The following CUL5 variants were observed in gnomAD, a reference collection of about 807,000 sequenced individuals.
CUL5 encodes the protein cullin 5.
A neutral mutation model predicts 108.8 loss-of-function variants in CUL5; 26 were observed. The ratio of observed to expected loss-of-function variants is 0.24; its 90% CI spans 0.18 to 0.33. The LOEUF is 0.33. CUL5 is among the 10% of genes least tolerant of loss of function. CUL5 has a pLI of 1.00. For synonymous variants in CUL5, 334 were observed against 298.0 expected, an observed-to-expected ratio of 1.12 and a Z score of -1.25; for missense variants, 524 against 909.2, an observed-to-expected ratio of 0.58 and a Z score of 5.45.
intron 2 of CUL5, among the ~76,000 whole-genome samples, chr11:108,040,138 T>A (rs1862857090): frequency 6.6e-6 from 1 of 152,222 alleles, no homozygotes; most frequent in Non-Finnish European, 1.5e-5. Flanking sequence ...CCTAGATTTT[T>A]CTAATAAAGT....
chr11:108,100,958 G>A (rs1310822649), intron 18 of CUL5, among the ~76,000 whole-genome samples: 1 of 152,198 alleles, frequency 6.6e-6, no homozygotes, highest in East Asian at 1.9e-4. Context: ...GAACCTGGGA[G>A]GCGGAGGTTG....
chr11:108,043,993 A>T (rs1376199240), intron 2 of CUL5, among the ~76,000 whole-genome samples: 1 of 152,216 alleles, frequency 6.6e-6, no homozygotes, highest in Non-Finnish European at 1.5e-5. Context: ...ATTGCACTTC[A>T]GCCTGGGCAA....
At chr11:108,025,839 G>T (rs578039373) in intron 1 of CUL5, among the ~76,000 whole-genome samples, 1 of 152,120 alleles carries the variant, frequency 6.6e-6, no homozygotes, top group Non-Finnish European at 1.5e-5. Flanking sequence ...CCTCTTAAAT[G>T]TAGTGAAACC....
At chr11:108,021,090 T>C (rs1862316628) in intron 1 of CUL5, among the ~76,000 whole-genome samples, 1 of 152,244 alleles carries the variant, frequency 6.6e-6, no homozygotes, top group African/African-American at 2.4e-5. Context: ...CCTAGGATAA[T>C]AGACTATACC....
At chr11:108,019,722 AAATT>A (rs1372072518) in intron 1 of CUL5, among the ~76,000 whole-genome samples, 2 of 152,072 alleles carry the variant, frequency 1.3e-5, no homozygotes, top group Non-Finnish European at 2.9e-5. Flanking sequence ...TAGGATAATA[AAATT>A]ATTATCCTAA....
chr11:108,046,802 C>G (rs1403904182), intron 3 of CUL5, among the ~76,000 whole-genome samples: 1 of 152,130 alleles, frequency 6.6e-6, no homozygotes, highest in East Asian at 1.9e-4. Context: ...AGCTGAAATT[C>G]AGCACTCTTA....
At chr11:108,034,758 C>T (rs932164856) in intron 2 of CUL5, among the ~76,000 whole-genome samples, 2 of 152,200 alleles carry the variant, frequency 1.3e-5, no homozygotes, top group African/African-American at 4.8e-5. Context: ...ATCAGTGTAT[C>T]CCTTTCAGTA....
intron 1 of CUL5, among the ~76,000 whole-genome samples, chr11:108,028,545 T>C (rs1313137928): frequency 6.6e-6 from 1 of 152,118 alleles, no homozygotes; most frequent in African/African-American, 2.4e-5. Context: ...TAAATAAGAT[T>C]ATGACACTTC....
intron 13 of CUL5, 52 bp downstream of exon 13, chr11:108,089,675 A>T (rs759715482): frequency 1.0e-6 from 1 of 988,394 alleles, no homozygotes; most frequent in Non-Finnish European, 1.4e-6. Flanking sequence ...CATCATTTAT[A>T]TGTGTGCTTA....
At chr11:108,013,882 C>T (rs889310567) in intron 1 of CUL5, among the ~76,000 whole-genome samples, 1 of 152,078 alleles carries the variant, frequency 6.6e-6, no homozygotes, top group African/African-American at 2.4e-5. Context: ...TAGCAAGACC[C>T]TGTCTCTATA....
intron 2 of CUL5, among the ~76,000 whole-genome samples, chr11:108,044,075 CT>C (rs1387455544): frequency 6.6e-6 from 1 of 152,144 alleles, no homozygotes; most frequent in African/African-American, 2.4e-5. Flanking sequence ...CAGGTGTTAC[CT>C]TTTATATTGT....
At chr11:108,070,289 G>A (rs548461304) in intron 8 of CUL5, 100 bp downstream of exon 8, 4 of 772,116 alleles carry the variant, frequency 5.2e-6, no homozygotes, top group Admixed American at 4.3e-5. Context: ...TTTCCACATA[G>A]GTATATGTGG....
At chr11:108,093,903 G>C (rs373721101) in intron 13 of CUL5, among the ~76,000 whole-genome samples, 2 of 152,080 alleles carry the variant, frequency 1.3e-5, no homozygotes, top group Admixed American at 6.5e-5. Context: ...GGGTGTCACT[G>C]TGTTGCCCAG....
rs192949432 is a variant in CUL5, at chr11:108,047,592, A to G, written c.234+1223A>G. 1.9e-4 allele frequency among the ~76,000 whole-genome samples: 29 copies of G among 152,310 alleles called. No individual in the cohort carries two copies. The South Asian group carries it at 3.9e-3, about 21-fold the overall frequency. ...TACCATGATGGAGTAAGACTAATCT[A>G]TTGGATATTACTTAAGAAATTAAGT... On this transcript the variant is annotated intron_variant, in intron 3 of 18. Transcript: ENST00000393094.
Position 108,069,404 on chromosome 11 carries a change from C to G in CUL5, c.781-692C>G, listed in dbSNP as rs574741709. ...TTCTCTTCCACTGTCTGTTTCTTCTCTACCATTTTAAGCTTCCTGGTATTC... is the reference window on the plus strand; with the variant it reads ...TTCTCTTCCACTGTCTGTTTCTTCTGTACCATTTTAAGCTTCCTGGTATTC... On this transcript the variant is annotated intron_variant, in intron 7 of 18. Coordinates refer to ENST00000393094, the MANE Select transcript of CUL5 (RefSeq NM_003478.6). 2.6e-5 allele frequency among the ~76,000 whole-genome samples: 4 copies of G among 152,288 alleles called. No individual in the cohort carries two copies. In the East Asian group the frequency reaches 7.7e-4, roughly 29 times the overall value.
chr11:108,077,044 T>G (rs1346825175), intron 10 of CUL5, among the ~76,000 whole-genome samples: 1 of 152,196 alleles, frequency 6.6e-6, no homozygotes, highest in Non-Finnish European at 1.5e-5. Context: ...TTTGGCAGCT[T>G]CAGCATATAA....
At chr11:108,047,840 A>G (rs1177200846) in intron 3 of CUL5, among the ~76,000 whole-genome samples, 2 of 151,346 alleles carry the variant, frequency 1.3e-5, no homozygotes, top group Non-Finnish European at 2.9e-5. Flanking sequence ...TTTATTTCAG[A>G]TAGATAGAGC....
At chr11:108,097,795 G>T in intron 17 of CUL5, 41 bp downstream of exon 17, 1 of 1,112,166 alleles carries the variant, frequency 9.0e-7, no homozygotes, top group Non-Finnish European at 1.3e-6. Flanking sequence ...CACCTTGTTT[G>T]AATTTTAGCA....
chr11:108,047,047 G>A (rs1863085472), intron 3 of CUL5, among the ~76,000 whole-genome samples: 1 of 152,176 alleles, frequency 6.6e-6, no homozygotes. Flanking sequence ...ACAGGGCACA[G>A]TAGCTCAGGC....
Sources: allele counts gnomAD v4.1 joint callset (sites outside exome capture counted in the v4.1 genomes callset), GRCh38; gene constraint gnomAD v4.1.1; transcripts MANE v1.5; gene names NCBI Gene and HGNC (gene_info 2026-07-23, HGNC 2026-07-21).